RCL1: variants seen among roughly 807,000 people sequenced by gnomAD.
The protein encoded by RCL1 is RNA 3'-terminal phosphate cyclase-like protein.
In RCL1, 24 loss-of-function variants were observed where a neutral mutation model predicts 42.4. The ratio of observed to expected loss-of-function variants is 0.57; its 90% CI spans 0.41 to 0.80. RCL1 has a LOEUF of 0.80. Among genes scored for constraint, RCL1 ranks in the 30% least tolerant of loss-of-function variants. The pLI, the probability that RCL1 is intolerant of heterozygous loss-of-function variation, is 0.00. For missense variants in RCL1, 578 were observed against 467.9 expected, an observed-to-expected ratio of 1.24 and a Z score of -2.17; for synonymous variants, 228 against 177.3, an observed-to-expected ratio of 1.29 and a Z score of -2.27.
intron 8 of RCL1, chr9:4,850,422 C>A (rs1278710619): frequency 6.9e-6 from 3 of 433,020 alleles, no homozygotes; most frequent in Non-Finnish European, 1.6e-5. Flanking sequence ...GGCTATGCAC[C>A]CTTGGGCCAT....
chr9:4,860,630 A>G lies in RCL1; in HGVS notation c.*355A>G, dbSNP rs1400322226. 5.0e-6 allele frequency: 1 copy of G among 199,868 alleles called. No individual in the cohort carries two copies. Among genetic ancestry groups the G allele is most frequent in the Non-Finnish European group, 1.0e-5 (1 of 100,304 alleles). 12.4% of individuals were successfully genotyped at this position (199,868 alleles called of 1,614,324 possible). A position where few individuals can be genotyped will look rare whatever the true frequency, so the allele number is the denominator to read the frequency against. ...TCATAGGCTTCCTCAGCCCTCTGTC[A>G]TATGGCTGTTTTGCAAACCTGTGGA... is the stretch of plus-strand genomic sequence containing the variant. On this transcript the variant is annotated 3_prime_UTR_variant, in exon 9 of 9. Coordinates refer to ENST00000381750, the MANE Select transcript of RCL1 (RefSeq NM_005772.5).
chr9:4,841,170 A>G (rs1444229889), intron 5 of RCL1, 62 bp from the exon 6 acceptor site: 18 of 1,601,590 alleles, frequency 1.1e-5, no homozygotes, highest in East Asian at 4.5e-5. Context: ...TGCCAGCTTT[A>G]TAACTGATTT....
At chr9:4,814,605 T>G (rs1173520809) in intron 1 of RCL1, among the ~76,000 whole-genome samples, 1 of 152,218 alleles carries the variant, frequency 6.6e-6, no homozygotes, top group Non-Finnish European at 1.5e-5. Flanking sequence ...TTGATTCGTG[T>G]CTCCTTTTTT....
At chr9:4,811,896 TG>T (rs565679180) in intron 1 of RCL1, among the ~76,000 whole-genome samples, 247 of 152,338 alleles carry the variant, frequency 1.6e-3, no homozygotes, top group African/African-American at 5.7e-3. Flanking sequence ...CCATTCTAAC[TG>T]GGGTGAGATG....
chr9:4,817,811 C>A (rs1225547264), intron 1 of RCL1, among the ~76,000 whole-genome samples: 2 of 148,350 alleles, frequency 1.3e-5, no homozygotes, highest in Admixed American at 1.3e-4. Flanking sequence ...TTTTTATTTT[C>A]TTTTTCTCTT....
chr9:4,806,574 A>C (rs960970113), intron 1 of RCL1, among the ~76,000 whole-genome samples: 8 of 145,304 alleles, frequency 5.5e-5, no homozygotes, highest in Non-Finnish European at 1.2e-4. Flanking sequence ...CCTGGAATAG[A>C]TTCTACTTGA....
intron 1 of RCL1, among the ~76,000 whole-genome samples, chr9:4,817,484 T>C (rs201298687): frequency 3.3e-5 from 4 of 122,260 alleles, no homozygotes; most frequent in Admixed American, 1.7e-4. Context: ...TTTTTTTTTT[T>C]CTTTTTTGAG....
At chr9:4,818,829 G>C (rs1010388529) in intron 1 of RCL1, among the ~76,000 whole-genome samples, 1 of 147,024 alleles carries the variant, frequency 6.8e-6, no homozygotes, top group Non-Finnish European at 1.5e-5. Flanking sequence ...CTGAGGTCTT[G>C]CCAGTGCACT....
intron 3 of RCL1, among the ~76,000 whole-genome samples, chr9:4,828,796 C>T (rs1816855526): frequency 6.6e-6 from 1 of 152,044 alleles, no homozygotes; most frequent in South Asian, 2.1e-4. Flanking sequence ...GACAAAAGAT[C>T]AGTTGATGAA....
At chr9:4,856,472 C>A (rs1031145192) in intron 8 of RCL1, among the ~76,000 whole-genome samples, 3 of 152,132 alleles carry the variant, frequency 2.0e-5, no homozygotes, top group Admixed American at 6.5e-5. Flanking sequence ...CTATTCAGTG[C>A]CTCTTTACTG....
At chr9:4,830,777 A>C (rs1236898003) in intron 3 of RCL1, among the ~76,000 whole-genome samples, 1 of 152,212 alleles carries the variant, frequency 6.6e-6, no homozygotes, top group Admixed American at 6.5e-5. Flanking sequence ...ACTGGAGAGC[A>C]GGTTTCTTCC....
intron 1 of RCL1, among the ~76,000 whole-genome samples, chr9:4,817,137 A>G (rs1179495708): frequency 7.9e-5 from 1 of 12,616 alleles, no homozygotes; most frequent in African/African-American, 1.2e-4. Flanking sequence ...TTTTTCTTTG[A>G]ATGTTGGGGA....
intron 2 of RCL1, among the ~76,000 whole-genome samples, chr9:4,824,986 A>G (rs1816710655): frequency 6.6e-6 from 1 of 152,088 alleles, no homozygotes; most frequent in Non-Finnish European, 1.5e-5. Flanking sequence ...ATCTTGGCAC[A>G]TGGCGACTTC....
At chr9:4,836,000 A>G (rs896825129) in intron 5 of RCL1, among the ~76,000 whole-genome samples, 1 of 152,114 alleles carries the variant, frequency 6.6e-6, no homozygotes, top group Non-Finnish European at 1.5e-5. Context: ...ATGAGTTTTC[A>G]GTTGTTACCG....
At position 4,859,876 on chromosome 9, in the gene RCL1, G is replaced by A. The variant is rs540446312; in HGVS notation, c.972-249G>A. On this transcript the variant is annotated intron_variant, in intron 8 of 8. Coordinates refer to ENST00000381750, the MANE Select transcript of RCL1 (RefSeq NM_005772.5). Reference sequence around the variant, plus strand: ...ACTAAATAACTTATGTGTCACGTACGAACTTCTAACCTTTCCCCCCCCAGT... The same window carrying A: ...ACTAAATAACTTATGTGTCACGTACAAACTTCTAACCTTTCCCCCCCCAGT... Among the ~76,000 whole-genome samples, 35 of 152,142 alleles carry A rather than the reference G, an allele frequency of 2.3e-4. No individual in the cohort carries two copies. In the South Asian group the frequency reaches 6.7e-3, roughly 29 times the overall value.
At chr9:4,799,637 A>G (rs893757331) in intron 1 of RCL1, among the ~76,000 whole-genome samples, 5 of 152,160 alleles carry the variant, frequency 3.3e-5, no homozygotes, top group Admixed American at 6.5e-5. Flanking sequence ...TGCTCCATAA[A>G]TGGAATCATA....
In RCL1 at chr9:4,806,580, C is replaced by G. The variant is rs546481660; in HGVS notation, c.136+13353C>G. Among the ~76,000 whole-genome samples, 123 of 132,770 alleles carry G rather than the reference C, an allele frequency of 9.3e-4. 1 individual carries two copies. The highest frequency in any genetic ancestry group is 3.5e-3 in the African/African-American group (120 of 34,604). The allele number at this position is 132,770 out of a possible 152,430, so 87.1% of individuals were successfully genotyped here. A position where few individuals can be genotyped will look rare whatever the true frequency, so the allele number is the denominator to read the frequency against. On this transcript the variant is annotated intron_variant, in intron 1 of 8. Transcript: ENST00000381750. ...CCTTGCATTCCTGGAATAGATTCTA[C>G]TTGATCTACACACACACACACACAC...
At chr9:4,799,936 G>C (rs1405438410) in intron 1 of RCL1, among the ~76,000 whole-genome samples, 1 of 152,128 alleles carries the variant, frequency 6.6e-6, no homozygotes, top group South Asian at 2.1e-4. Context: ...TATGGCAGAC[G>C]TTCATATGGG....
chr9:4,803,287 A>G (rs1220479064), intron 1 of RCL1, among the ~76,000 whole-genome samples: 1 of 152,254 alleles, frequency 6.6e-6, no homozygotes, highest in Non-Finnish European at 1.5e-5. Flanking sequence ...TTTTAGAACC[A>G]AGACTAACCA....
Sources: allele counts gnomAD v4.1 joint callset (sites outside exome capture counted in the v4.1 genomes callset), GRCh38; gene constraint gnomAD v4.1.1; transcripts MANE v1.5; gene names NCBI Gene and HGNC (gene_info 2026-07-23, HGNC 2026-07-21).